The following PTPRT variants were observed in gnomAD, a reference collection of about 807,000 sequenced individuals.
The protein encoded by PTPRT is receptor-type tyrosine-protein phosphatase T.
A neutral mutation model predicts 176.8 loss-of-function variants in PTPRT; 56 were observed. The observed-to-expected ratio is 0.32, with a 90% confidence interval of 0.26 to 0.40. The LOEUF (loss-of-function observed/expected upper bound fraction) is 0.40, where lower values mean the gene tolerates loss of function less well. Among genes scored for constraint, PTPRT ranks in the 10% least tolerant of loss-of-function variants. The probability of loss-of-function intolerance (pLI) is 1.00; values close to 1 mark genes in which losing one functional copy is unlikely to be tolerated. For synonymous variants in PTPRT, 783 were observed against 739.0 expected (o/e 1.06, Z -0.96); for missense variants, 1,540 against 1,908.2 (o/e 0.81, Z 3.60).
chr20:42,821,437 A>T (rs2077891836), intron 2 of PTPRT, among the ~76,000 whole-genome samples: 1 of 152,222 alleles, frequency 6.6e-6, no homozygotes, highest in South Asian at 2.1e-4. Context: ...TATTTATGAC[A>T]AACCCACAGC....
chr20:42,045,173 T>C, the PTPRT span, among the ~76,000 whole-genome samples: 1 of 152,240 alleles, frequency 6.6e-6, no homozygotes, highest in East Asian at 1.9e-4. Flanking sequence ...ACCTAACATA[T>C]TCACAGGTTC....
At chr20:42,714,328 A>G (rs949310384) in intron 6 of PTPRT, among the ~76,000 whole-genome samples, 1 of 152,206 alleles carries the variant, frequency 6.6e-6, no homozygotes, top group East Asian at 1.9e-4. Flanking sequence ...AACATCCTAA[A>G]TGAACCAATG....
intron 1 of PTPRT, among the ~76,000 whole-genome samples, chr20:43,130,707 T>A (rs1339717390): frequency 6.6e-6 from 1 of 151,288 alleles, no homozygotes; most frequent in African/African-American, 2.4e-5. Context: ...CTGTTCGTCA[T>A]GCTGAAAAAG....
chr20:42,084,654 G>A, intron 29 of PTPRT, 28 bp downstream of exon 29: 1 of 1,406,782 alleles, frequency 7.1e-7, no homozygotes. Flanking sequence ...CCACCCTATT[G>A]CCCTGGTGAC....
At chr20:42,173,608 G>C (rs1035170269) in intron 16 of PTPRT, among the ~76,000 whole-genome samples, 1 of 152,084 alleles carries the variant, frequency 6.6e-6, no homozygotes, top group Admixed American at 6.6e-5. Context: ...AAAATGAAAG[G>C]TCGTTGAGTT....
chr20:43,064,194 A>T (rs1374858005), intron 1 of PTPRT, among the ~76,000 whole-genome samples: 1 of 152,152 alleles, frequency 6.6e-6, no homozygotes. Context: ...GGTAGACTTT[A>T]TATGATAATG....
At chr20:42,571,876 C>T (rs944336131) in intron 7 of PTPRT, among the ~76,000 whole-genome samples, 3 of 152,182 alleles carry the variant, frequency 2.0e-5, no homozygotes, top group Admixed American at 1.3e-4. Context: ...CTTCCCACTT[C>T]GCCTCTTGGC....
chr20:42,155,049 G>A, intron 17 of PTPRT, among the ~76,000 whole-genome samples: 1 of 152,278 alleles, frequency 6.6e-6, no homozygotes, highest in South Asian at 2.1e-4. Flanking sequence ...TTTTCTTAGT[G>A]GTTCTCAGCT....
At position 42,646,882 on chromosome 20, in the gene PTPRT, C is replaced by CTTTT. The variant is rs1161994908; in HGVS notation, c.1153+30980_1153+30983dup. Among the ~76,000 whole-genome samples, 78 of 76,286 alleles carry CTTTT rather than the reference C, an allele frequency of 1.0e-3. 5 individuals are homozygous for CTTTT. Among genetic ancestry groups the CTTTT allele is most frequent in the African/African-American group, 2.3e-3 (31 of 13,368 alleles). 50.0% of individuals were successfully genotyped at this position (76,286 alleles called of 152,430 possible). A position where few individuals can be genotyped will look rare whatever the true frequency, so the allele number is the denominator to read the frequency against. ...TCTAGAGATCCCAACCTAAGACAGC[C>CTTTT]TTTTTTTTTTTTTTTTTTTTTTTTT... is the stretch of plus-strand genomic sequence containing the variant. On this transcript the variant is annotated intron_variant, in intron 7 of 30. Coordinates refer to ENST00000373187, the MANE Select transcript of PTPRT (RefSeq NM_007050.6).
chr20:42,629,810 G>A (rs960717621), intron 7 of PTPRT, among the ~76,000 whole-genome samples: 10 of 152,144 alleles, frequency 6.6e-5, no homozygotes, highest in Non-Finnish European at 1.2e-4. Context: ...ATAGGCCAAG[G>A]ATCCAAACGA....
At chr20:42,967,787 G>A (rs1213956524) in intron 1 of PTPRT, among the ~76,000 whole-genome samples, 1 of 145,372 alleles carries the variant, frequency 6.9e-6, no homozygotes, top group South Asian at 2.2e-4. Context: ...CATTGCCCTC[G>A]CTGCCTTCAG....
At chr20:42,161,588 T>C (rs1483844313) in intron 16 of PTPRT, 46 bp from the exon 17 acceptor site, 7 of 1,538,738 alleles carry the variant, frequency 4.5e-6, no homozygotes, top group Admixed American at 4.0e-5. Context: ...ATAGAAGCTT[T>C]GCCCTTTGTC....
intron 9 of PTPRT, among the ~76,000 whole-genome samples, chr20:42,420,307 T>C (rs1046153730): frequency 6.6e-6 from 1 of 152,142 alleles, no homozygotes; most frequent in Non-Finnish European, 1.5e-5. Flanking sequence ...AGTTTGGGGT[T>C]ATCATGAAAA....
At chr20:43,127,567 T>C (rs1225045947) in intron 1 of PTPRT, among the ~76,000 whole-genome samples, 1 of 152,136 alleles carries the variant, frequency 6.6e-6, no homozygotes, top group Admixed American at 6.6e-5. Context: ...CTAGCCATGT[T>C]CCTGCAGCCA....
chr20:42,446,109 T>C (rs944763856), intron 9 of PTPRT, among the ~76,000 whole-genome samples: 1 of 152,162 alleles, frequency 6.6e-6, no homozygotes. Flanking sequence ...AAAAGTATAT[T>C]ACTCTCAAGG....
intron 1 of PTPRT, among the ~76,000 whole-genome samples, chr20:43,061,120 A>T (rs908288875): frequency 7.3e-5 from 11 of 151,348 alleles, no homozygotes; most frequent in African/African-American, 2.4e-4. Context: ...GGATGGATGG[A>T]TGGTCAGTCA....
At chr20:42,071,235 T>C (rs931385481), downstream of PTPRT, among the ~76,000 whole-genome samples, 2 of 152,182 alleles carry the variant, frequency 1.3e-5, no homozygotes, top group African/African-American at 4.8e-5. Context: ...TCTGGACACA[T>C]ACAAAGAACT....
chr20:43,129,875 C>T (rs1383930632), intron 1 of PTPRT, among the ~76,000 whole-genome samples: 1 of 152,080 alleles, frequency 6.6e-6, no homozygotes, highest in Non-Finnish European at 1.5e-5. Flanking sequence ...GCCTCGGCCT[C>T]CCAAAGTGCT....
At chr20:42,718,059 C>A (rs1235838054) in intron 6 of PTPRT, among the ~76,000 whole-genome samples, 2 of 152,164 alleles carry the variant, frequency 1.3e-5, no homozygotes, top group African/African-American at 4.8e-5. Flanking sequence ...TCTGCTTAAG[C>A]CAAAGAACAA....
Sources: allele counts gnomAD v4.1 joint callset (sites outside exome capture counted in the v4.1 genomes callset), GRCh38; gene constraint gnomAD v4.1.1; transcripts MANE v1.5; gene names NCBI Gene and HGNC (gene_info 2026-07-23, HGNC 2026-07-21).